The following PTPRD variants were observed in gnomAD, a reference collection of about 807,000 sequenced individuals.
PTPRD encodes the protein protein tyrosine phosphatase receptor type D.
PTPRD carries 34 observed loss-of-function variants against 214.5 expected under a neutral mutation model. The observed-to-expected ratio is 0.16, with a 90% confidence interval of 0.12 to 0.21. The LOEUF (loss-of-function observed/expected upper bound fraction) is 0.21. PTPRD is among the 10% of genes least tolerant of loss of function. The pLI, the probability that PTPRD is intolerant of heterozygous loss-of-function variation, is 1.00. For missense variants in PTPRD, 2,545 were observed against 2,398.7 expected, an observed-to-expected ratio of 1.06 and a Z score of -1.27; for synonymous variants, 1,128 against 845.7, an observed-to-expected ratio of 1.33 and a Z score of -5.79.
At chr9:9,271,835 A>C (rs1370038482) in intron 9 of PTPRD, among the ~76,000 whole-genome samples, 1 of 151,406 alleles carries the variant, frequency 6.6e-6, no homozygotes, top group Non-Finnish European at 1.5e-5. Flanking sequence ...TCAAAGGTAT[A>C]AGAAGTTCAA....
chr9:9,873,667 G>T (rs1024412282), intron 5 of PTPRD, among the ~76,000 whole-genome samples: 1 of 152,056 alleles, frequency 6.6e-6, no homozygotes, highest in Non-Finnish European at 1.5e-5. Context: ...AATGTAGTTT[G>T]CTATTTAAAT....
At chr9:9,006,630 C>T (rs900600539) in intron 11 of PTPRD, among the ~76,000 whole-genome samples, 24 of 152,016 alleles carry the variant, frequency 1.6e-4, no homozygotes, top group East Asian at 3.9e-4. Context: ...AATGATATTA[C>T]GTAAGCATCT....
chr9:9,275,184 TTATATATATATATATTA>T (rs1441944417), intron 9 of PTPRD, among the ~76,000 whole-genome samples: 4 of 21,460 alleles, frequency 1.9e-4, no homozygotes, highest in Admixed American at 7.6e-4. Flanking sequence ...AATATATATG[TTATATATATATATATTA>T]TATATATATA....
At chr9:10,582,680 C>T (rs921099841) in intron 2 of PTPRD, among the ~76,000 whole-genome samples, 1 of 151,980 alleles carries the variant, frequency 6.6e-6, no homozygotes, top group Non-Finnish European at 1.5e-5. Context: ...GCTCCTTATG[C>T]CTTAGATAAT....
At chr9:8,743,994 C>CA (rs1329650809) in intron 11 of PTPRD, among the ~76,000 whole-genome samples, 1 of 151,502 alleles carries the variant, frequency 6.6e-6, no homozygotes, top group Non-Finnish European at 1.5e-5. Context: ...AGACAATTCT[C>CA]AAAAAAGATA....
intron 9 of PTPRD, among the ~76,000 whole-genome samples, chr9:9,252,148 A>G (rs1335409526): frequency 2.6e-5 from 4 of 151,992 alleles, no homozygotes; most frequent in Admixed American, 2.6e-4. Context: ...ACCCCAAAAT[A>G]TGCCTCTTTG....
chr9:9,829,391 T>A (rs547396187), intron 5 of PTPRD, among the ~76,000 whole-genome samples: 15 of 151,984 alleles, frequency 9.9e-5, no homozygotes, highest in African/African-American at 3.6e-4. Context: ...TATAGTGAAA[T>A]CTGTAATAAA....
intron 3 of PTPRD, among the ~76,000 whole-genome samples, chr9:10,156,089 T>C (rs1432087032): frequency 1.4e-5 from 2 of 142,078 alleles, no homozygotes; most frequent in African/African-American, 5.5e-5. Flanking sequence ...TGTGTGTGTG[T>C]GTGTGTGTGT....
At chr9:8,710,294 A>T (rs763175743) in intron 12 of PTPRD, among the ~76,000 whole-genome samples, 1 of 152,142 alleles carries the variant, frequency 6.6e-6, no homozygotes, top group Non-Finnish European at 1.5e-5. Context: ...TCATTAGCTA[A>T]TAACATTCAA....
At chr9:9,613,687 G>A (rs141347694) in intron 7 of PTPRD, among the ~76,000 whole-genome samples, 208 of 152,156 alleles carry the variant, frequency 1.4e-3, no homozygotes, top group African/African-American at 4.8e-3. Flanking sequence ...TCTACAGTAA[G>A]TATGGTTCAT....
chr9:9,643,153 T>C (rs574541317), intron 7 of PTPRD, among the ~76,000 whole-genome samples: 1 of 152,330 alleles, frequency 6.6e-6, no homozygotes, highest in East Asian at 1.9e-4. Flanking sequence ...TCAGGGAATC[T>C]TGAGGCAGGT....
At chr9:10,345,106 C>G (rs745355010) in intron 2 of PTPRD, among the ~76,000 whole-genome samples, 5 of 152,102 alleles carry the variant, frequency 3.3e-5, no homozygotes, top group Non-Finnish European at 7.3e-5. Flanking sequence ...GAATTCCAAT[C>G]ACCCACCATT....
At chr9:9,257,948 T>C (rs1291890793) in intron 9 of PTPRD, among the ~76,000 whole-genome samples, 1 of 151,976 alleles carries the variant, frequency 6.6e-6, no homozygotes, top group Non-Finnish European at 1.5e-5. Flanking sequence ...TTAAAGAACA[T>C]TTACTCTTCC....
chr9:9,102,245 G>A (rs997268514), intron 10 of PTPRD, among the ~76,000 whole-genome samples: 3 of 152,134 alleles, frequency 2.0e-5, no homozygotes, highest in East Asian at 3.8e-4. Context: ...CTTACAATAA[G>A]AGTATTTTCT....
At chr9:9,975,789 G>A (rs112555315) in intron 4 of PTPRD, among the ~76,000 whole-genome samples, 1 of 152,102 alleles carries the variant, frequency 6.6e-6, no homozygotes, top group Non-Finnish European at 1.5e-5. Flanking sequence ...TATTAGTTCT[G>A]TTACCTTGAT....
chr9:10,075,176 C>T (rs955370279), intron 3 of PTPRD, among the ~76,000 whole-genome samples: 5 of 152,012 alleles, frequency 3.3e-5, no homozygotes, highest in Non-Finnish European at 5.9e-5. Flanking sequence ...GTATCTTTTG[C>T]TGAGTACTTG....
At chr9:9,771,939 A>G (rs1291796267) in intron 5 of PTPRD, among the ~76,000 whole-genome samples, 1 of 152,184 alleles carries the variant, frequency 6.6e-6, no homozygotes. Flanking sequence ...ATAAACAGAT[A>G]AGCATCATTG....
chr9:8,967,713 T>A (rs1439695924), intron 11 of PTPRD, among the ~76,000 whole-genome samples: 1 of 152,158 alleles, frequency 6.6e-6, no homozygotes, highest in Non-Finnish European at 1.5e-5. Flanking sequence ...CGTATGTTAT[T>A]TATCATAACA....
intron 4 of PTPRD, among the ~76,000 whole-genome samples, chr9:9,963,566 A>G (rs1441282964): frequency 6.6e-6 from 1 of 152,198 alleles, no homozygotes; most frequent in Non-Finnish European, 1.5e-5. Context: ...GTCACTTTAC[A>G]CAAGTATAGA....
Sources: allele counts gnomAD v4.1 joint callset (sites outside exome capture counted in the v4.1 genomes callset), GRCh38; gene constraint gnomAD v4.1.1; transcripts MANE v1.5; gene names NCBI Gene and HGNC (gene_info 2026-07-23, HGNC 2026-07-21).